GALNTL6: variants seen among roughly 807,000 people sequenced by gnomAD.
GALNTL6 encodes the protein polypeptide N-acetylgalactosaminyltransferase-like 6.
In GALNTL6, 46 loss-of-function variants were observed where a neutral mutation model predicts 73.7. The ratio of observed to expected loss-of-function variants is 0.62; its 90% CI spans 0.49 to 0.80. The LOEUF (loss-of-function observed/expected upper bound fraction) is 0.80, where lower values mean the gene tolerates loss of function less well. GALNTL6 is among the 30% of genes least tolerant of loss of function. The probability of loss-of-function intolerance (pLI) is 0.00; values close to 1 mark genes in which losing one functional copy is unlikely to be tolerated. For missense variants in GALNTL6, 604 were observed against 755.0 expected, an observed-to-expected ratio of 0.80 and a Z score of 2.34; for synonymous variants, 259 against 263.7, an observed-to-expected ratio of 0.98 and a Z score of 0.17.
intron 5 of GALNTL6, among the ~76,000 whole-genome samples, chr4:172,579,097 T>C (rs1737067677): frequency 5.9e-5 from 9 of 152,224 alleles, no homozygotes; most frequent in Admixed American, 5.9e-4. Flanking sequence ...ATATAAGTTT[T>C]CTTCAGTTCA....
intron 5 of GALNTL6, among the ~76,000 whole-genome samples, chr4:172,658,149 C>CA (rs58279803): frequency 0.023 from 114 of 5,016 alleles, 9 homozygotes; most frequent in South Asian, 0.029. Flanking sequence ...GACTCCGTCT[C>CA]AAAAAAAAAA....
At chr4:172,279,942 T>C (rs549022835) in intron 3 of GALNTL6, among the ~76,000 whole-genome samples, 6 of 152,284 alleles carry the variant, frequency 3.9e-5, no homozygotes, top group Admixed American at 1.3e-4. Flanking sequence ...TGGATATAAT[T>C]TGAGTATATT....
chr4:172,859,287 T>C (rs1048165069), intron 7 of GALNTL6, among the ~76,000 whole-genome samples: 8 of 152,190 alleles, frequency 5.3e-5, no homozygotes, highest in African/African-American at 1.9e-4. Context: ...GTGTCACCCC[T>C]GTAATAAATG....
chr4:172,890,973 T>C (rs1038869330), intron 8 of GALNTL6, among the ~76,000 whole-genome samples: 1 of 152,224 alleles, frequency 6.6e-6, no homozygotes, highest in South Asian at 2.1e-4. Context: ...CTGTTTTTGG[T>C]TTAAAATCTG....
intron 5 of GALNTL6, among the ~76,000 whole-genome samples, chr4:172,677,717 GT>G (rs1279161455): frequency 2.0e-5 from 3 of 151,950 alleles, no homozygotes; most frequent in African/African-American, 7.3e-5. Flanking sequence ...GAGTCCAGGA[GT>G]TGGAGATCAG....
chr4:172,771,721 G>T (rs1165925964), intron 5 of GALNTL6, among the ~76,000 whole-genome samples: 1 of 152,092 alleles, frequency 6.6e-6, no homozygotes, highest in Non-Finnish European at 1.5e-5. Context: ...GCAGATTTCT[G>T]GGCCCTTCCC....
At chr4:172,132,088 A>C (rs946663947) in intron 2 of GALNTL6, among the ~76,000 whole-genome samples, 16 of 152,086 alleles carry the variant, frequency 1.1e-4, no homozygotes, top group African/African-American at 3.6e-4. Flanking sequence ...CTTGGAAGAG[A>C]TATTTTATTT....
chr4:172,235,200 T>A (rs1737200656), intron 3 of GALNTL6, among the ~76,000 whole-genome samples: 1 of 152,138 alleles, frequency 6.6e-6, no homozygotes. Context: ...TCTACAAAAA[T>A]TTGTCACTTT....
At chr4:171,843,029 G>T (rs570834646) in intron 2 of GALNTL6, among the ~76,000 whole-genome samples, 1 of 152,070 alleles carries the variant, frequency 6.6e-6, no homozygotes, top group Non-Finnish European at 1.5e-5. Context: ...GTTAGATCGT[G>T]CACTTTTTAG....
At chr4:172,430,836 A>C (rs1366246522) in intron 5 of GALNTL6, among the ~76,000 whole-genome samples, 1 of 152,102 alleles carries the variant, frequency 6.6e-6, no homozygotes, top group Non-Finnish European at 1.5e-5. Flanking sequence ...AGTAGCAATA[A>C]AAGAATAGGG....
intron 2 of GALNTL6, among the ~76,000 whole-genome samples, chr4:172,144,182 G>C (rs529535484): frequency 6.6e-6 from 1 of 152,158 alleles, no homozygotes. Context: ...TAGGAGAAGC[G>C]TGTTGTTGTT....
chr4:172,931,238 C>T lies in GALNTL6; in HGVS notation c.1119C>T (p.Tyr373=), dbSNP rs187369867. Residue 373 remains tyrosine, a synonymous_variant, in exon 9 of 13, where the codon TAC becomes TAT. Coordinates refer to ENST00000506823, the MANE Select transcript of GALNTL6 (RefSeq NM_001034845.3). The part of the protein sequence containing the change: ...VGHIYRKYVP[Y]KVPSGTSLAR... ...ATATCTACAGGAAGTACGTTCCATACAAAGTTCCATCTGGGACAAGCCTGG... is the reference window on the plus strand; with the variant it reads ...ATATCTACAGGAAGTACGTTCCATATAAAGTTCCATCTGGGACAAGCCTGG... 6.1e-4 allele frequency: 975 copies of T among 1,609,262 alleles called. 15 individuals are homozygous for T. In the Admixed American group the frequency reaches 0.015, roughly 24 times the overall value.
chr4:172,925,355 A>G (rs1310152907), intron 8 of GALNTL6, among the ~76,000 whole-genome samples: 2 of 152,214 alleles, frequency 1.3e-5, no homozygotes, highest in Non-Finnish European at 2.9e-5. Context: ...AACCAGGATG[A>G]GGTTATCGAT....
intron 2 of GALNTL6, among the ~76,000 whole-genome samples, chr4:171,960,532 A>T: frequency 6.6e-6 from 1 of 151,972 alleles, no homozygotes; most frequent in Non-Finnish European, 1.5e-5. Context: ...CACCCACCTC[A>T]GCCTCCCAAA....
In GALNTL6 at chr4:172,206,775, G is replaced by GTTTTTTT. The variant is rs1214874685; in HGVS notation, c.139-22875_139-22874insTTTTTTT. 2.9e-4 allele frequency among the ~76,000 whole-genome samples: 23 copies of GTTTTTTT among 79,784 alleles called. 6 individuals are homozygous for GTTTTTTT. Among genetic ancestry groups the GTTTTTTT allele is most frequent in the South Asian group, 7.5e-4 (1 of 1,326 alleles). The allele number at this position is 79,784 out of a possible 152,430, so 52.3% of individuals were successfully genotyped here. ...ATGCATATCAGAGCAGATGAAACGT[G>GTTTTTTT]TTTTTTGTTTTGTTTTGTTTTGTTT... is the stretch of plus-strand genomic sequence containing the variant. On this transcript the variant is annotated intron_variant, in intron 2 of 12. Coordinates refer to ENST00000506823, the MANE Select transcript of GALNTL6 (RefSeq NM_001034845.3).
At chr4:172,993,163 A>T (rs1396398855) in intron 10 of GALNTL6, among the ~76,000 whole-genome samples, 1 of 152,224 alleles carries the variant, frequency 6.6e-6, no homozygotes, top group African/African-American at 2.4e-5. Flanking sequence ...TAGGGTGTTT[A>T]GAAAGTGAAA....
At chr4:172,974,448 G>A (rs1750719783) in intron 10 of GALNTL6, among the ~76,000 whole-genome samples, 1 of 152,052 alleles carries the variant, frequency 6.6e-6, no homozygotes, top group African/African-American at 2.4e-5. Flanking sequence ...TAAAATTTAT[G>A]GACTAATTCA....
At chr4:172,678,048 C>G (rs1261473630) in intron 5 of GALNTL6, among the ~76,000 whole-genome samples, 1 of 152,152 alleles carries the variant, frequency 6.6e-6, no homozygotes, top group Non-Finnish European at 1.5e-5. Context: ...GTCTCTAATT[C>G]ATGTGCGTGT....
At chr4:172,562,350 G>T (rs1057346071) in intron 5 of GALNTL6, among the ~76,000 whole-genome samples, 10 of 152,158 alleles carry the variant, frequency 6.6e-5, no homozygotes, top group African/African-American at 2.2e-4. Context: ...ATGTATTGAA[G>T]CTTCCAAAAT....
Sources: allele counts gnomAD v4.1 joint callset (sites outside exome capture counted in the v4.1 genomes callset), GRCh38; gene constraint gnomAD v4.1.1; transcripts MANE v1.5; gene names NCBI Gene and HGNC (gene_info 2026-07-23, HGNC 2026-07-21).